Variants in HSD17B4 observed in about 807,000 individuals in gnomAD.
The protein encoded by HSD17B4 is peroxisomal multifunctional enzyme type 2.
A neutral mutation model predicts 101.0 loss-of-function variants in HSD17B4; 70 were observed. That is an observed-to-expected ratio of 0.69 (90% confidence interval 0.57 to 0.85). The LOEUF is 0.85. Ranked by LOEUF, HSD17B4 falls within the 40% of genes least tolerant of loss-of-function variation. The pLI is 0.00. For synonymous variants in HSD17B4, 347 were observed against 297.1 expected (o/e 1.17, Z -1.73); for missense variants, 984 against 892.4 (o/e 1.10, Z -1.31).
Position 119,477,411 on chromosome 5 carries a change from T to C in HSD17B4, c.350-6T>C. The C allele has an allele frequency of 6.3e-7, 1 of 1,584,918 alleles. No individual in the cohort carries two copies. Among genetic ancestry groups the C allele is most frequent in the Non-Finnish European group, 8.7e-7 (1 of 1,153,982 alleles). ...AATATTTAATAAAAATAATTTATTG[T>C]TTTAGATATAATCCACAGAGTTCAT... On this transcript the variant is annotated splice_polypyrimidine_tract_variant and splice_region_variant and intron_variant, in intron 6 of 23. Coordinates refer to ENST00000510025, the MANE Select transcript of HSD17B4 (RefSeq NM_000414.4).
chr5:119,538,076 A>G (rs1400457866), intron 23 of HSD17B4, among the ~76,000 whole-genome samples: 1 of 152,120 alleles, frequency 6.6e-6, no homozygotes, highest in Non-Finnish European at 1.5e-5. Flanking sequence ...CCATCCCTCT[A>G]CTTGACCACT....
At chr5:119,463,359 T>C (rs975761843) in intron 2 of HSD17B4, among the ~76,000 whole-genome samples, 3 of 152,206 alleles carry the variant, frequency 2.0e-5, no homozygotes, top group Non-Finnish European at 4.4e-5. Context: ...TCCTTTCCTT[T>C]GGGTTATATA....
intron 7 of HSD17B4, chr5:119,478,068 C>G (rs1748760729): frequency 6.4e-6 from 1 of 157,016 alleles, no homozygotes; most frequent in African/African-American, 2.4e-5. Flanking sequence ...ATTCTGTAAC[C>G]CGAATATTAT....
intron 2 of HSD17B4, chr5:119,471,598 A>G: frequency 2.3e-6 from 2 of 859,884 alleles, no homozygotes; most frequent in Non-Finnish European, 1.7e-6. Flanking sequence ...GTATACCATT[A>G]TGCTATTTAT....
chr5:119,524,301 T>C (rs1158717500), intron 17 of HSD17B4, among the ~76,000 whole-genome samples: 1 of 152,094 alleles, frequency 6.6e-6, no homozygotes, highest in Non-Finnish European at 1.5e-5. Context: ...TTATAGAATA[T>C]TTTCTATAAA....
intron 2 of HSD17B4, among the ~76,000 whole-genome samples, chr5:119,461,572 A>G (rs796733346): frequency 2.0e-5 from 3 of 152,236 alleles, no homozygotes; most frequent in African/African-American, 7.2e-5. Flanking sequence ...TATCGGATCT[A>G]AGTGTGTTTT....
chr5:119,484,421 A>G (rs187658773), intron 8 of HSD17B4, among the ~76,000 whole-genome samples: 2 of 152,208 alleles, frequency 1.3e-5, no homozygotes, highest in East Asian at 3.9e-4. Context: ...CTAGTTTTAT[A>G]TTAAGTCTTG....
chr5:119,541,382 C>G (rs1356792948), intron 23 of HSD17B4, among the ~76,000 whole-genome samples: 1 of 152,196 alleles, frequency 6.6e-6, no homozygotes, highest in African/African-American at 2.4e-5. Flanking sequence ...AGCATTTTCT[C>G]AAGCTCACCT....
intron 8 of HSD17B4, among the ~76,000 whole-genome samples, chr5:119,479,448 A>G (rs1186809612): frequency 6.6e-6 from 1 of 152,170 alleles, no homozygotes. Context: ...TATATTTATT[A>G]CAATTGATGA....
At chr5:119,453,352 G>A (rs1754273651) in intron 1 of HSD17B4, among the ~76,000 whole-genome samples, 2 of 152,220 alleles carry the variant, frequency 1.3e-5, no homozygotes. Context: ...ACCGGCCAGT[G>A]GGAAAGTTGC....
intron 19 of HSD17B4, among the ~76,000 whole-genome samples, chr5:119,526,271 A>AG (rs1753586347): frequency 1.8e-5 from 2 of 108,550 alleles, no homozygotes; most frequent in South Asian, 5.8e-4. Context: ...TAAATTAATT[A>AG]GGTGCATATA....
chr5:119,472,729 C>A (rs536223001), intron 2 of HSD17B4, among the ~76,000 whole-genome samples: 1 of 152,186 alleles, frequency 6.6e-6, no homozygotes, highest in Admixed American at 6.5e-5. Flanking sequence ...CCACCGCGCC[C>A]GGCCCAACGT....
rs747967842 is a variant in HSD17B4, at chr5:119,506,870, T to C, written c.1314T>C (p.Gly438=). ...VVADVLDKGS[G]VVIIMDVYSY... is the part of the protein sequence containing the mutation. ...CTGATGTCCTAGATAAAGGATCCGG[T>C]GTAGTGATTATTATGGATGGTAATT... The change falls in exon 15 of 24, where the codon GGT becomes GGC. Residue 438 remains glycine (G), a synonymous_variant. Transcript: ENST00000510025. The C allele has an allele frequency of 1.9e-6, 3 of 1,564,540 alleles. No individual in the cohort carries two copies. The highest frequency in any genetic ancestry group is 1.8e-6 in the Non-Finnish European group (2 of 1,135,980).
intron 2 of HSD17B4, chr5:119,471,792 C>A: frequency 1.5e-6 from 1 of 671,050 alleles, no homozygotes; most frequent in Non-Finnish European, 2.5e-6. Flanking sequence ...TAAATTTTTT[C>A]ATAAATTATT....
At chr5:119,457,099 A>G (rs1754755062) in intron 2 of HSD17B4, among the ~76,000 whole-genome samples, 1 of 152,220 alleles carries the variant, frequency 6.6e-6, no homozygotes, top group African/African-American at 2.4e-5. Context: ...AGGTTTTAGT[A>G]ATCTGCATGG....
At chr5:119,525,147 T>A in intron 17 of HSD17B4, 69 bp from the exon 18 acceptor site, 1 of 1,022,536 alleles carries the variant, frequency 9.8e-7, no homozygotes, top group East Asian at 2.4e-5. Flanking sequence ...CCAGCCATGT[T>A]TCCTATTTTT....
Position 119,489,253 on chromosome 5 carries a change from G to A in HSD17B4, c.684G>A (p.Glu228=), listed in dbSNP as rs770456299. ...CTCTTGTCCTTTGGCTTTGTCACGA[G>A]AGTTGTGAGGAGAATGGTGGCTTGT... ...VAPLVLWLCH[E]SCEENGGLFE... The change falls in exon 9 of 24, where the codon GAG becomes GAA. Residue 228 remains glutamate (E), a synonymous_variant. Coordinates refer to ENST00000510025, the MANE Select transcript of HSD17B4 (RefSeq NM_000414.4). 1 of 1,612,548 alleles carries A rather than the reference G, an allele frequency of 6.2e-7. No individual in the cohort carries two copies. Among genetic ancestry groups the A allele is most frequent in the Admixed American group, 1.7e-5 (1 of 59,960 alleles).
chr5:119,500,098 T>C (rs979066191), intron 13 of HSD17B4, among the ~76,000 whole-genome samples: 2 of 152,138 alleles, frequency 1.3e-5, no homozygotes, highest in Non-Finnish European at 2.9e-5. Context: ...TGATCTGAGC[T>C]GAGTAGTGAC....
chr5:119,508,518 C>T (rs1375778885), intron 15 of HSD17B4, among the ~76,000 whole-genome samples: 2 of 152,114 alleles, frequency 1.3e-5, no homozygotes, highest in Non-Finnish European at 2.9e-5. Flanking sequence ...ATAATCTGTC[C>T]CTAGTAAGTT....
Sources: gnomAD v4.1 joint callset for allele counts (sites outside exome capture counted in the v4.1 genomes callset) on GRCh38, gnomAD v4.1.1 for gene constraint, MANE v1.5 for transcripts, NCBI Gene and HGNC (gene_info 2026-07-23, HGNC 2026-07-21) for gene names.